SEMA3D: variants seen among roughly 807,000 people sequenced by gnomAD.
The protein encoded by SEMA3D is semaphorin 3D.
SEMA3D carries 84 observed loss-of-function variants against 100.1 expected under a neutral mutation model. The observed-to-expected ratio is 0.84, with a 90% confidence interval of 0.70 to 1.01. The LOEUF (loss-of-function observed/expected upper bound fraction) is 1.01, where lower values mean the gene tolerates loss of function less well. Among genes scored for constraint, SEMA3D ranks in the 50% least tolerant of loss-of-function variants. The pLI, the probability that SEMA3D is intolerant of heterozygous loss-of-function variation, is 0.00. For missense variants in SEMA3D, 875 were observed against 934.1 expected (o/e 0.94, Z 0.82); for synonymous variants, 312 against 320.7 (o/e 0.97, Z 0.29).
chr7:84,997,061 T>C lies in SEMA3D; in HGVS notation c.*2379A>G, dbSNP rs1283626259. ...AATATTTTTAATATATTTTAACTAA[T>C]TATCATAAATCAAGAGTATTGTATC... On this transcript the variant is annotated 3_prime_UTR_variant, in exon 19 of 19. Coordinates refer to ENST00000284136, the MANE Select transcript of SEMA3D (RefSeq NM_001384900.1). 6.6e-6 allele frequency: 1 copy of C among 151,824 alleles called. No individual in the cohort carries two copies. The highest frequency in any genetic ancestry group is 2.4e-5 in the African/African-American group (1 of 41,420). The allele number at this position is 151,824 out of a possible 1,614,324, so 9.4% of individuals were successfully genotyped here. A position where few individuals can be genotyped will look rare whatever the true frequency, so the allele number is the denominator to read the frequency against.
chr7:85,130,259 T>C (rs150356033), intron 2 of SEMA3D, among the ~76,000 whole-genome samples: 6 of 152,262 alleles, frequency 3.9e-5, no homozygotes, highest in Admixed American at 1.3e-4. Context: ...AATTCAACAA[T>C]TGATGATGAC....
At chr7:85,023,612 A>G (rs980099358) in intron 12 of SEMA3D, among the ~76,000 whole-genome samples, 3 of 151,844 alleles carry the variant, frequency 2.0e-5, no homozygotes, top group Non-Finnish European at 2.9e-5. Flanking sequence ...GTTTTTAGAG[A>G]AGTTGGAAAC....
chr7:85,087,614 C>A (rs1198277246), intron 4 of SEMA3D, among the ~76,000 whole-genome samples: 2 of 152,006 alleles, frequency 1.3e-5, no homozygotes, highest in Non-Finnish European at 2.9e-5. Context: ...AGAAAACTGG[C>A]AAACAGAAGT....
chr7:85,140,271 T>A, intron 2 of SEMA3D: 1 of 950,370 alleles, frequency 1.1e-6, no homozygotes, highest in Non-Finnish European at 1.3e-6. Context: ...TTCTGCATTT[T>A]CTCTTTTCCT....
chr7:85,203,580 G>A, the SEMA3D span, among the ~76,000 whole-genome samples: 1 of 152,110 alleles, frequency 6.6e-6, no homozygotes, highest in Admixed American at 6.6e-5. Flanking sequence ...AGGTTGCAAG[G>A]CGAGGCTATT....
chr7:85,209,038 T>C, the SEMA3D span, among the ~76,000 whole-genome samples: 1 of 152,050 alleles, frequency 6.6e-6, no homozygotes, highest in Non-Finnish European at 1.5e-5. Context: ...ACACTGCGTA[T>C]GACCAGCTTT....
chr7:85,018,316 A>G (rs779220566), intron 14 of SEMA3D, 23 bp from the exon 15 acceptor site: 17 of 1,481,456 alleles, frequency 1.1e-5, no homozygotes, highest in Non-Finnish European at 1.9e-6. Flanking sequence ...GTTAAATGTC[A>G]ATAAAGATAA....
At chr7:85,154,470 T>C (rs139638608) in intron 1 of SEMA3D, among the ~76,000 whole-genome samples, 1 of 152,006 alleles carries the variant, frequency 6.6e-6, no homozygotes, top group Admixed American at 6.6e-5. Flanking sequence ...TACCATGTTG[T>C]GGGGCGGGGG....
upstream of SEMA3D, among the ~76,000 whole-genome samples, chr7:85,190,957 G>A: frequency 6.6e-6 from 1 of 151,862 alleles, no homozygotes; most frequent in Non-Finnish European, 1.5e-5. Context: ...CTTCTGACTT[G>A]ATGCCCTCTG....
At chr7:85,065,961 T>A (rs1411439843) in intron 7 of SEMA3D, among the ~76,000 whole-genome samples, 1 of 152,214 alleles carries the variant, frequency 6.6e-6, no homozygotes, top group Non-Finnish European at 1.5e-5. Flanking sequence ...GTGTGATTAG[T>A]ATTTACTTAA....
intron 9 of SEMA3D, among the ~76,000 whole-genome samples, chr7:85,055,146 C>T (rs538000105): frequency 2.0e-5 from 3 of 151,904 alleles, no homozygotes; most frequent in East Asian, 3.9e-4. Context: ...AGAGTAATAA[C>T]GTAACAAAAT....
At chr7:85,105,197 A>T (rs530146537) in intron 3 of SEMA3D, among the ~76,000 whole-genome samples, 1 of 152,018 alleles carries the variant, frequency 6.6e-6, no homozygotes, top group Non-Finnish European at 1.5e-5. Context: ...CCCTAAATTC[A>T]GCATTTCTCC....
intron 3 of SEMA3D, among the ~76,000 whole-genome samples, chr7:85,104,114 A>T (rs777823607): frequency 3.3e-5 from 5 of 152,058 alleles, no homozygotes; most frequent in Non-Finnish European, 7.4e-5. Context: ...TAGCACAAGA[A>T]AGTGAGTCAC....
At chr7:85,055,961 A>T (rs1036366531) in intron 8 of SEMA3D, 102 bp from the exon 9 acceptor site, 41 of 606,564 alleles carry the variant, frequency 6.8e-5, no homozygotes, top group Middle Eastern at 5.0e-4. Context: ...TAGAATTTTT[A>T]AAAAATGAAC....
intron 12 of SEMA3D, among the ~76,000 whole-genome samples, chr7:85,027,237 A>T (rs1419619261): frequency 6.6e-6 from 1 of 152,100 alleles, no homozygotes; most frequent in Non-Finnish European, 1.5e-5. Flanking sequence ...AAAGAACTTT[A>T]TAATTTTTCA....
intron 1 of SEMA3D, among the ~76,000 whole-genome samples, chr7:85,163,287 A>C (rs1790799140): frequency 6.6e-6 from 1 of 152,116 alleles, no homozygotes; most frequent in South Asian, 2.1e-4. Flanking sequence ...TCTTCACTTG[A>C]AAAAGGAGAA....
chr7:85,062,736 A>G (rs564975336), intron 8 of SEMA3D, among the ~76,000 whole-genome samples: 2 of 152,278 alleles, frequency 1.3e-5, no homozygotes, highest in East Asian at 3.9e-4. Flanking sequence ...TAAAACAATA[A>G]TCTTTTTTCT....
chr7:85,182,610 G>T (rs761121959), intron 1 of SEMA3D, among the ~76,000 whole-genome samples: 13 of 152,110 alleles, frequency 8.5e-5, no homozygotes, highest in Middle Eastern at 3.2e-3. Flanking sequence ...TAGACTATTA[G>T]CTTGACAGGT....
At chr7:85,087,659 A>T (rs1177240192) in intron 4 of SEMA3D, among the ~76,000 whole-genome samples, 3 of 152,222 alleles carry the variant, frequency 2.0e-5, no homozygotes, top group Non-Finnish European at 2.9e-5. Flanking sequence ...CTTGGAAATA[A>T]GAGTTTATGG....
Sources: gnomAD v4.1 joint callset for allele counts (sites outside exome capture counted in the v4.1 genomes callset) on GRCh38, gnomAD v4.1.1 for gene constraint, MANE v1.5 for transcripts, NCBI Gene and HGNC (gene_info 2026-07-23, HGNC 2026-07-21) for gene names.